The following DAB1 variants were observed in gnomAD, a reference collection of about 807,000 sequenced individuals.
The protein encoded by DAB1 is DAB adaptor protein 1, also known as disabled homolog 1.
Under a neutral mutation model 64.6 loss-of-function variants are expected in DAB1, and 15 were observed. The ratio of observed to expected loss-of-function variants is 0.23; its 90% CI spans 0.16 to 0.36. The LOEUF (loss-of-function observed/expected upper bound fraction) is 0.36, where lower values mean the gene tolerates loss of function less well. DAB1 is among the 10% of genes least tolerant of loss of function. The pLI is 1.00. For missense variants in DAB1, 596 were observed against 706.7 expected (o/e 0.84, Z 1.78); for synonymous variants, 235 against 251.9 (o/e 0.93, Z 0.64).
rs367897659 is a variant in DAB1 at position 57,922,845 on chromosome 1, C to CAAAAAAAAAAAAAAAAA, written n.388-38700_388-38684dup. On this transcript the variant is annotated intron_variant and non_coding_transcript_variant, in intron 5 of 20. Transcript: ENST00000485760. Reference sequence around the variant, plus strand: ...TGGGTGACAAAGCGAGACTCCATCTCAAAAAAAAAAAAAAAAAAAAAAAGA... The same window carrying CAAAAAAAAAAAAAAAAA: ...TGGGTGACAAAGCGAGACTCCATCTCAAAAAAAAAAAAAAAAAAAAAAAAAAAAAAAAAAAAAAAAGA... 1.0e-3 allele frequency among the ~76,000 whole-genome samples: 47 copies of CAAAAAAAAAAAAAAAAA among 45,002 alleles called. 1 individual carries two copies. The highest frequency in any genetic ancestry group is 3.1e-3 in the African/African-American group (27 of 8,852). The allele number at this position is 45,002 out of a possible 152,430, so 29.5% of individuals were successfully genotyped here.
At chr1:58,315,421 G>T (rs564798051) in intron 4 of DAB1, among the ~76,000 whole-genome samples, 3 of 152,294 alleles carry the variant, frequency 2.0e-5, no homozygotes, top group Admixed American at 6.5e-5. Flanking sequence ...CACAAGGGGA[G>T]TGTGTGTTTT....
At chr1:57,741,164 G>A (rs780133606) in intron 6 of DAB1, among the ~76,000 whole-genome samples, 1 of 152,136 alleles carries the variant, frequency 6.6e-6, no homozygotes, top group Non-Finnish European at 1.5e-5. Context: ...CTTGGCAAAT[G>A]TCTACAGAAG....
intron 2 of DAB1, among the ~76,000 whole-genome samples, chr1:57,191,531 TCTGTTGATGGCTCAACTATATCC>T (rs1664121583): frequency 6.6e-6 from 1 of 152,140 alleles, no homozygotes; most frequent in African/African-American, 2.4e-5. Context: ...GTTCTCCTCC[TCTGTTGATGGCTCAACTATATCC>T]CCGCTCCCCT....
rs542390339 is a variant in DAB1, at chr1:57,135,033, A to G, written c.306+1510T>C. Among the ~76,000 whole-genome samples, 8 of 152,324 alleles carry G rather than the reference A, an allele frequency of 5.3e-5. No homozygotes were observed. In the South Asian group the frequency reaches 1.7e-3, roughly 32 times the overall value. On this transcript the variant is annotated intron_variant, in intron 4 of 14. Transcript: ENST00000371236. The stretch of plus-strand genomic sequence containing the variant: ...GAATAATGTATGTAAACTGACTAAC[A>G]CACAGCTAGTACATGGGAGGTACTC...
chr1:58,291,984 A>C (rs183075205), intron 4 of DAB1, among the ~76,000 whole-genome samples: 1 of 152,320 alleles, frequency 6.6e-6, no homozygotes, highest in Non-Finnish European at 1.5e-5. Context: ...GCCCTCTCCA[A>C]TACAGGTGAG....
chr1:58,280,386 T>C (rs910616259), intron 4 of DAB1, among the ~76,000 whole-genome samples: 1 of 152,226 alleles, frequency 6.6e-6, no homozygotes, highest in Non-Finnish European at 1.5e-5. Context: ...TGGCAATAAA[T>C]AGACCTGCTT....
At chr1:57,097,758 T>G (rs1440536744) in intron 4 of DAB1, among the ~76,000 whole-genome samples, 1 of 119,350 alleles carries the variant, frequency 8.4e-6, no homozygotes, top group African/African-American at 2.9e-5. Flanking sequence ...TTTTTTATTT[T>G]TATTATTATT....
intron 6 of DAB1, among the ~76,000 whole-genome samples, chr1:57,682,696 A>C (rs960949764): frequency 1.3e-5 from 2 of 152,122 alleles, no homozygotes; most frequent in Non-Finnish European, 2.9e-5. Flanking sequence ...AGGGGTAGGC[A>C]GAGACAAGGC....
intron 4 of DAB1, among the ~76,000 whole-genome samples, chr1:58,327,259 T>G (rs549918234): frequency 6.6e-6 from 1 of 151,978 alleles, no homozygotes; most frequent in East Asian, 1.9e-4. Flanking sequence ...CTTCCCATGA[T>G]AATAAATAGA....
chr1:57,130,336 A>G (rs1437143752), intron 4 of DAB1, among the ~76,000 whole-genome samples: 1 of 152,196 alleles, frequency 6.6e-6, no homozygotes, highest in Non-Finnish European at 1.5e-5. Context: ...CTTATGGATG[A>G]GTAAACAGAG....
At chr1:58,068,920 A>T (rs1055534522) in intron 5 of DAB1, among the ~76,000 whole-genome samples, 1 of 152,166 alleles carries the variant, frequency 6.6e-6, no homozygotes, top group Non-Finnish European at 1.5e-5. Flanking sequence ...GCTTGGTGTG[A>T]CACACAACAC....
chr1:58,275,837 A>G (rs1478288867), intron 4 of DAB1, among the ~76,000 whole-genome samples: 1 of 152,226 alleles, frequency 6.6e-6, no homozygotes, highest in Non-Finnish European at 1.5e-5. Flanking sequence ...TATCCAAAAG[A>G]ATTGAAAGCA....
intron 5 of DAB1, among the ~76,000 whole-genome samples, chr1:58,140,794 T>C (rs10493244): frequency 0.2 from 30,008 of 152,016 alleles, 3,150 homozygotes; most frequent in East Asian, 0.36. Context: ...GAAAAAGTGA[T>C]TAGTGAAGGA....
chr1:57,034,603 A>C (rs1647079188), intron 9 of DAB1, among the ~76,000 whole-genome samples: 1 of 152,202 alleles, frequency 6.6e-6, no homozygotes, highest in Non-Finnish European at 1.5e-5. Flanking sequence ...TTTGTATTTT[A>C]TTGTTTATAT....
At chr1:57,552,770 G>A (rs899134787) in intron 7 of DAB1, among the ~76,000 whole-genome samples, 1 of 152,130 alleles carries the variant, frequency 6.6e-6, no homozygotes, top group Non-Finnish European at 1.5e-5. Context: ...AAGTACTTTA[G>A]GATTCTACAC....
intron 7 of DAB1, among the ~76,000 whole-genome samples, chr1:57,506,682 G>A (rs1000650830): frequency 5.9e-5 from 9 of 152,126 alleles, no homozygotes; most frequent in African/African-American, 2.2e-4. Flanking sequence ...TTAACAGCCT[G>A]CTCAGCTGTC....
intron 3 of DAB1, among the ~76,000 whole-genome samples, chr1:58,455,724 A>G (rs964792007): frequency 2.0e-5 from 3 of 152,228 alleles, no homozygotes; most frequent in Non-Finnish European, 2.9e-5. Context: ...CTTTCCTTTA[A>G]AAAACAAAAA....
chr1:57,650,613 T>C (rs1443699132), intron 6 of DAB1, among the ~76,000 whole-genome samples: 2 of 152,194 alleles, frequency 1.3e-5, no homozygotes, highest in East Asian at 3.8e-4. Context: ...GAAATAACAG[T>C]GGTCATCTTT....
chr1:58,197,095 T>C (rs1407528882), intron 4 of DAB1, among the ~76,000 whole-genome samples: 2 of 152,148 alleles, frequency 1.3e-5, no homozygotes, highest in African/African-American at 4.8e-5. Flanking sequence ...GAGATGCTGC[T>C]AGATGGTGGA....
Sources: allele counts gnomAD v4.1 joint callset (sites outside exome capture counted in the v4.1 genomes callset), GRCh38; gene constraint gnomAD v4.1.1; transcripts MANE v1.5; gene names NCBI Gene and HGNC (gene_info 2026-07-23, HGNC 2026-07-21).